The following CADM2 variants were observed in gnomAD, a reference collection of about 807,000 sequenced individuals.
CADM2 encodes the protein immunoglobulin superfamily member 4D.
Under a neutral mutation model 49.8 loss-of-function variants are expected in CADM2, and 12 were observed. That is an observed-to-expected ratio of 0.24 (90% confidence interval 0.15 to 0.39). The LOEUF (loss-of-function observed/expected upper bound fraction) is 0.39, where lower values mean the gene tolerates loss of function less well. CADM2 is among the 10% of genes least tolerant of loss of function. The pLI is 1.00. For missense variants in CADM2, 378 were observed against 492.3 expected (o/e 0.77, Z 2.20); for synonymous variants, 214 against 175.4 (o/e 1.22, Z -1.74).
chr3:85,341,353 G>A (rs2045235366), intron 1 of CADM2, among the ~76,000 whole-genome samples: 1 of 151,770 alleles, frequency 6.6e-6, no homozygotes, highest in South Asian at 2.1e-4. Context: ...CATGAAAATA[G>A]AATAATGTTT....
At chr3:85,896,863 T>C (rs547076628) in intron 5 of CADM2, among the ~76,000 whole-genome samples, 2 of 152,210 alleles carry the variant, frequency 1.3e-5, no homozygotes, top group Non-Finnish European at 2.9e-5. Context: ...AAGTGGCCTT[T>C]AGACCACTTA....
chr3:85,723,548 C>T (rs920098561), intron 1 of CADM2, among the ~76,000 whole-genome samples: 3 of 152,050 alleles, frequency 2.0e-5, no homozygotes, highest in Non-Finnish European at 4.4e-5. Context: ...TGGCCTCTTT[C>T]CAATTATATT....
chr3:85,867,062 A>G (rs1052401544), intron 3 of CADM2, among the ~76,000 whole-genome samples: 3 of 152,180 alleles, frequency 2.0e-5, no homozygotes, highest in South Asian at 4.1e-4. Flanking sequence ...ATCATACTAT[A>G]AATTCCCTTA....
chr3:85,500,759 C>T (rs1017384140), intron 1 of CADM2, among the ~76,000 whole-genome samples: 4 of 152,002 alleles, frequency 2.6e-5, no homozygotes, highest in Non-Finnish European at 5.9e-5. Flanking sequence ...CCTCGTGATC[C>T]GCTTGCCTCG....
At chr3:85,377,356 G>A (rs2033654037) in intron 1 of CADM2, among the ~76,000 whole-genome samples, 1 of 152,048 alleles carries the variant, frequency 6.6e-6, no homozygotes, top group Admixed American at 6.6e-5. Context: ...CAGAGGCTGG[G>A]AAGGACCTTC....
chr3:85,267,372 T>A (rs2043144793), intron 1 of CADM2, among the ~76,000 whole-genome samples: 1 of 151,594 alleles, frequency 6.6e-6, no homozygotes, highest in Non-Finnish European at 1.5e-5. Flanking sequence ...TTAAAAAAAA[T>A]ATTTTCTCCT....
At chr3:85,545,942 A>G (rs760480343) in intron 1 of CADM2, among the ~76,000 whole-genome samples, 2 of 152,246 alleles carry the variant, frequency 1.3e-5, no homozygotes, top group African/African-American at 2.4e-5. Flanking sequence ...AATTTCCATC[A>G]AATGAATTTC....
At chr3:85,955,419 A>G (rs1226464718) in intron 7 of CADM2, among the ~76,000 whole-genome samples, 2 of 151,438 alleles carry the variant, frequency 1.3e-5, no homozygotes, top group Admixed American at 6.6e-5. Flanking sequence ...GGAGACCTAC[A>G]TGATGGGACT....
intron 1 of CADM2, among the ~76,000 whole-genome samples, chr3:85,313,550 A>G (rs2044395767): frequency 6.6e-6 from 1 of 152,168 alleles, no homozygotes; most frequent in Admixed American, 6.5e-5. Context: ...TGATGAGAAC[A>G]AGCATTAGTT....
At chr3:85,100,295 C>T (rs2037963333) in intron 1 of CADM2, among the ~76,000 whole-genome samples, 1 of 152,050 alleles carries the variant, frequency 6.6e-6, no homozygotes, top group African/African-American at 2.4e-5. Flanking sequence ...TCTTCATAAC[C>T]ATCGGTTGTG....
chr3:86,022,562 C>A (rs1490185219), intron 8 of CADM2, among the ~76,000 whole-genome samples: 1 of 152,084 alleles, frequency 6.6e-6, no homozygotes, highest in Non-Finnish European at 1.5e-5. Context: ...GTCTTTTTAT[C>A]ATTATAACCT....
At position 85,107,481 on chromosome 3, in the gene CADM2, A is replaced by G. The variant is rs375900992; in HGVS notation, c.61+147813A>G. ...ATAACAAGTGTTGGTGACGAAGGCA[A>G]AAAATTAGGTCCCTTAAGCATTGCT... On this transcript the variant is annotated intron_variant, in intron 1 of 9. Coordinates refer to ENST00000383699, the MANE Select transcript of CADM2 (RefSeq NM_001167675.2). Among the ~76,000 whole-genome samples the G allele has an allele frequency of 3.3e-5, 5 of 152,248 alleles. No individual in the cohort carries two copies. In the East Asian group the frequency reaches 9.7e-4, roughly 29 times the overall value.
At chr3:85,359,666 A>ATATATATATATT in intron 1 of CADM2, among the ~76,000 whole-genome samples, 2 of 26,544 alleles carry the variant, frequency 7.5e-5, no homozygotes, top group African/African-American at 1.1e-4. Flanking sequence ...ATATATATAT[A>ATATATATATATT]TTTTTTTTTT....
At chr3:86,044,082 A>G (rs113533205) in intron 8 of CADM2, among the ~76,000 whole-genome samples, 9,933 of 152,290 alleles carry the variant, frequency 0.065, 861 homozygotes, top group African/African-American at 0.19. Context: ...AAAGACTTAC[A>G]TGTTAGACCT....
intron 1 of CADM2, among the ~76,000 whole-genome samples, chr3:85,487,546 CGAGGAG>C (rs1258575094): frequency 2.0e-5 from 2 of 102,414 alleles, no homozygotes; most frequent in Non-Finnish European, 3.9e-5. Flanking sequence ...AGGAGGAGGA[CGAGGAG>C]GAGGAGGAGG....
chr3:85,363,118 C>CT (rs1335683563), intron 1 of CADM2, among the ~76,000 whole-genome samples: 1 of 152,158 alleles, frequency 6.6e-6, no homozygotes, highest in Non-Finnish European at 1.5e-5. Flanking sequence ...CTACACAGCA[C>CT]TGCACAGGAA....
At chr3:85,510,493 T>C (rs1293285891) in intron 1 of CADM2, among the ~76,000 whole-genome samples, 1 of 152,072 alleles carries the variant, frequency 6.6e-6, no homozygotes, top group African/African-American at 2.4e-5. Flanking sequence ...CTCTCTAATG[T>C]CCTATTGATG....
chr3:85,100,703 C>T (rs2037979115), intron 1 of CADM2, among the ~76,000 whole-genome samples: 1 of 151,948 alleles, frequency 6.6e-6, no homozygotes, highest in Non-Finnish European at 1.5e-5. Context: ...GGAATGGAGC[C>T]CTTGAAGTGC....
chr3:85,669,168 A>C (rs556093628), intron 1 of CADM2, among the ~76,000 whole-genome samples: 27 of 152,000 alleles, frequency 1.8e-4, no homozygotes, highest in Non-Finnish European at 3.5e-4. Context: ...TGTTTTAAGG[A>C]AAGTTTCTTT....
Sources: gnomAD v4.1 joint callset for allele counts (sites outside exome capture counted in the v4.1 genomes callset) on GRCh38, gnomAD v4.1.1 for gene constraint, MANE v1.5 for transcripts, NCBI Gene and HGNC (gene_info 2026-07-23, HGNC 2026-07-21) for gene names.